The following PPP1R12B variants were observed in gnomAD, a reference collection of about 807,000 sequenced individuals.
The protein encoded by PPP1R12B is protein phosphatase 1 regulatory subunit 12B.
In PPP1R12B, 76 loss-of-function variants were observed where a neutral mutation model predicts 126.1. The ratio of observed to expected loss-of-function variants is 0.60; its 90% CI spans 0.50 to 0.73. The LOEUF is 0.73. PPP1R12B is among the 30% of genes least tolerant of loss of function. The pLI is 0.00. For missense variants in PPP1R12B, 1,052 were observed against 1,205.1 expected (o/e 0.87, Z 1.88); for synonymous variants, 356 against 434.7 (o/e 0.82, Z 2.25).
intron 13 of PPP1R12B, among the ~76,000 whole-genome samples, chr1:202,454,921 C>CT (rs1388020185): frequency 1.3e-5 from 2 of 150,252 alleles, no homozygotes; most frequent in Admixed American, 6.6e-5. Flanking sequence ...AACCCTGTCT[C>CT]TAAAAAAAAA....
chr1:202,455,200 A>ATG (rs1673463748), intron 13 of PPP1R12B, among the ~76,000 whole-genome samples: 1 of 122,592 alleles, frequency 8.2e-6, no homozygotes. Context: ...ATACATATAT[A>ATG]TATATAGAGA....
Position 202,582,751 on chromosome 1 carries a change from G to A in PPP1R12B, c.*2191G>A, listed in dbSNP as rs1437315778. The A allele has an allele frequency of 7.9e-5, 12 of 152,332 alleles. No individual in the cohort carries two copies. Among genetic ancestry groups the A allele is most frequent in the African/African-American group, 2.9e-4 (12 of 41,554 alleles). 9.4% of individuals were successfully genotyped at this position (152,332 alleles called of 1,614,324 possible). On this transcript the variant is annotated 3_prime_UTR_variant, in exon 24 of 24. Transcript: ENST00000608999. ...ATACAAAAAATTAGCCAGGCGTGGT[G>A]GCAGGCGCCTGTAGTCCCAGCTACT...
At chr1:202,540,719 G>A (rs775056527) in intron 18 of PPP1R12B, among the ~76,000 whole-genome samples, 8 of 152,210 alleles carry the variant, frequency 5.3e-5, no homozygotes, top group Non-Finnish European at 1.2e-4. Flanking sequence ...GTATGTATAT[G>A]AGGTAGAGTA....
intron 1 of PPP1R12B, among the ~76,000 whole-genome samples, chr1:202,357,407 G>A (rs974098795): frequency 2.0e-5 from 3 of 152,046 alleles, no homozygotes; most frequent in Non-Finnish European, 4.4e-5. Flanking sequence ...TTTTGTGGAG[G>A]TTATATGAAG....
intron 1 of PPP1R12B, among the ~76,000 whole-genome samples, chr1:202,367,931 C>T (rs1321289973): frequency 1.3e-5 from 2 of 151,672 alleles, no homozygotes; most frequent in Non-Finnish European, 2.9e-5. Context: ...GTGCTGTTCT[C>T]AAGATAGTGA....
chr1:202,568,834 G>C (rs1309037469), intron 22 of PPP1R12B, among the ~76,000 whole-genome samples: 1 of 152,170 alleles, frequency 6.6e-6, no homozygotes, highest in East Asian at 1.9e-4. Flanking sequence ...GCAGACATTT[G>C]AAATTCTATG....
chr1:202,494,734 A>AAAC (rs1283060804), intron 15 of PPP1R12B, among the ~76,000 whole-genome samples: 2 of 152,052 alleles, frequency 1.3e-5, no homozygotes, highest in Admixed American at 6.6e-5. Context: ...AAAGAAAAGA[A>AAAC]AACAACAACA....
intron 8 of PPP1R12B, among the ~76,000 whole-genome samples, chr1:202,433,626 G>T (rs1160856837): frequency 6.6e-6 from 1 of 152,192 alleles, no homozygotes; most frequent in East Asian, 1.9e-4. Flanking sequence ...GAGCTTTCCT[G>T]CTTCTGAACA....
chr1:202,399,788 G>A (rs1394609988), intron 1 of PPP1R12B, among the ~76,000 whole-genome samples: 2 of 152,166 alleles, frequency 1.3e-5, no homozygotes, highest in Non-Finnish European at 2.9e-5. Flanking sequence ...GAGCCACTGC[G>A]CCTGGCCGAT....
At chr1:202,393,064 G>C (rs1664376888) in intron 1 of PPP1R12B, among the ~76,000 whole-genome samples, 1 of 152,066 alleles carries the variant, frequency 6.6e-6, no homozygotes, top group East Asian at 1.9e-4. Flanking sequence ...TCGTGCCTCA[G>C]CCTCCTCAGG....
chr1:202,524,440 A>C (rs998248355), intron 18 of PPP1R12B, among the ~76,000 whole-genome samples: 3 of 152,060 alleles, frequency 2.0e-5, no homozygotes, highest in Non-Finnish European at 4.4e-5. Flanking sequence ...CTTTAGTGTG[A>C]TTTCTGAGAT....
chr1:202,350,730 C>A (rs986099459), intron 1 of PPP1R12B, among the ~76,000 whole-genome samples: 1 of 151,772 alleles, frequency 6.6e-6, no homozygotes, highest in Non-Finnish European at 1.5e-5. Context: ...AAGCGATTCT[C>A]CTGCCTCAGC....
At chr1:202,563,797 G>A (rs1687772871) in intron 20 of PPP1R12B, among the ~76,000 whole-genome samples, 1 of 152,144 alleles carries the variant, frequency 6.6e-6, no homozygotes, top group Admixed American at 6.5e-5. Flanking sequence ...GATGGGCATG[G>A]TGGTTCATGC....
intron 14 of PPP1R12B, among the ~76,000 whole-genome samples, chr1:202,488,865 G>A (rs1678494509): frequency 6.6e-6 from 1 of 152,146 alleles, no homozygotes. Flanking sequence ...CCAACGTGGT[G>A]AAACCTGTCT....
intron 1 of PPP1R12B, among the ~76,000 whole-genome samples, chr1:202,399,440 C>G (rs1381561529): frequency 2.0e-5 from 3 of 151,584 alleles, no homozygotes; most frequent in Non-Finnish European, 4.4e-5. Flanking sequence ...AAGCTGGTCT[C>G]AAACAATCCT....
intron 2 of PPP1R12B, 62 bp downstream of exon 2, chr1:202,416,979 C>T: frequency 6.6e-7 from 1 of 1,512,376 alleles, no homozygotes; most frequent in Non-Finnish European, 8.9e-7. Context: ...CATTTCTCCT[C>T]TATTCTTAGG....
chr1:202,580,416 G>A (rs1455484534), intron 23 of PPP1R12B, 58 bp from the exon 24 acceptor site: 1 of 1,411,738 alleles, frequency 7.1e-7, no homozygotes, highest in Non-Finnish European at 1.0e-6. Context: ...CCTGGTCAGG[G>A]AGGGCCAAGG....
rs1655370070 is a variant in PPP1R12B, at chr1:202,348,751, G to C, written c.-101G>C. On this transcript the variant is annotated 5_prime_UTR_variant, in exon 1 of 24. Coordinates refer to ENST00000608999, the MANE Select transcript of PPP1R12B (RefSeq NM_002481.4). ...GGCGGCGCGAGGGTCTCCGCCCTCT[G>C]CTCCGGGCTGAAGCGCTCTGAGAGA... The C allele has an allele frequency of 1.4e-6, 2 of 1,420,716 alleles. No homozygotes were observed. Among genetic ancestry groups the C allele is most frequent in the South Asian group, 3.0e-5 (2 of 67,752 alleles). The allele number at this position is 1,420,716 out of a possible 1,614,324, so 88.0% of individuals were successfully genotyped here.
intron 18 of PPP1R12B, among the ~76,000 whole-genome samples, chr1:202,537,787 A>G (rs539445229): frequency 2.3e-3 from 350 of 152,326 alleles, no homozygotes; most frequent in South Asian, 0.017. Flanking sequence ...TCAACATATC[A>G]AAAAAGTGTC....
Sources: gnomAD v4.1 joint callset for allele counts (sites outside exome capture counted in the v4.1 genomes callset) on GRCh38, gnomAD v4.1.1 for gene constraint, MANE v1.5 for transcripts, NCBI Gene and HGNC (gene_info 2026-07-23, HGNC 2026-07-21) for gene names.